SHROOM4: variants seen among roughly 807,000 people sequenced by gnomAD.
SHROOM4 encodes the protein protein Shroom4.
In SHROOM4, 17 loss-of-function variants were observed where a neutral mutation model predicts 80.3. The observed-to-expected ratio is 0.21, with a 90% CI of 0.14 to 0.32. The LOEUF is 0.32. Among genes scored for constraint, SHROOM4 ranks in the 10% least tolerant of loss-of-function variants. The pLI, the probability that SHROOM4 is intolerant of heterozygous loss-of-function variation, is 1.00. For missense variants in SHROOM4, 993 were observed against 1,140.3 expected (o/e 0.87, Z 1.86); for synonymous variants, 400 against 437.5 (o/e 0.91, Z 1.07).
chrX:50,773,686 A>G (rs1935443796), intron 1 of SHROOM4, among the ~76,000 whole-genome samples: 1 of 112,206 alleles, frequency 8.9e-6, no homozygotes, highest in African/African-American at 3.2e-5. Context: ...AATCTCAACA[A>G]TAATCATATC....
intron 1 of SHROOM4, among the ~76,000 whole-genome samples, chrX:50,740,556 C>G (rs1934629393): frequency 9.0e-6 from 1 of 111,428 alleles, no homozygotes; most frequent in Admixed American, 9.5e-5. Context: ...AGAAAACTAA[C>G]AAAGATGTAG....
intron 1 of SHROOM4, among the ~76,000 whole-genome samples, chrX:50,795,046 T>A (rs1935939070): frequency 2.4e-4 from 1 of 4,116 alleles, no homozygotes; most frequent in African/African-American, 2.6e-4. Flanking sequence ...ATCTCATATA[T>A]ATATGATATA....
intron 2 of SHROOM4, among the ~76,000 whole-genome samples, chrX:50,693,151 T>C (rs1440373237): frequency 9.0e-6 from 1 of 111,223 alleles, no homozygotes; most frequent in Non-Finnish European, 1.9e-5. Flanking sequence ...TTAAAAATGG[T>C]GGAACTATGG....
chrX:50,812,388 G>C (rs1406368406), intron 1 of SHROOM4, among the ~76,000 whole-genome samples: 2 of 109,014 alleles, frequency 1.8e-5, no homozygotes, highest in Admixed American at 2.0e-4. Context: ...GCCTCAGGAG[G>C]GGTTGTGACA....
At chrX:50,812,866 G>C (rs1936369563) in intron 1 of SHROOM4, among the ~76,000 whole-genome samples, 1 of 112,137 alleles carries the variant, frequency 8.9e-6, no homozygotes, top group Non-Finnish European at 1.9e-5. Flanking sequence ...AAGCGGGAGG[G>C]CTTTTCGGAT....
chrX:50,678,152 T>G (rs1054835078), intron 2 of SHROOM4, among the ~76,000 whole-genome samples: 12 of 111,435 alleles, frequency 1.1e-4, no homozygotes, highest in Non-Finnish European at 1.7e-4. Context: ...AATGACTCAG[T>G]GGCAAAGTTT....
intron 1 of SHROOM4, among the ~76,000 whole-genome samples, chrX:50,721,936 C>T (rs1296673234): frequency 9.0e-6 from 1 of 110,773 alleles, no homozygotes; most frequent in African/African-American, 3.3e-5. Context: ...TCCCCTGGGC[C>T]TAGCCTAGCC....
chrX:50,609,303 A>G (rs1242618315), intron 5 of SHROOM4, among the ~76,000 whole-genome samples: 1 of 111,407 alleles, frequency 9.0e-6, no homozygotes, highest in African/African-American at 3.3e-5. Context: ...CAGAATTCTC[A>G]ATAGGAATTT....
chrX:50,627,731 G>T, intron 4 of SHROOM4, 56 bp from the exon 5 acceptor site: 1 of 1,032,876 alleles, frequency 9.7e-7, no homozygotes, highest in Non-Finnish European at 1.4e-6. Context: ...GTATCTAGAT[G>T]GCCTCAAAAA....
chrX:50,795,146 G>GATAT (rs781879598), intron 1 of SHROOM4, among the ~76,000 whole-genome samples: 72 of 3,066 alleles, frequency 0.023, 14 homozygotes, highest in South Asian at 0.038. Flanking sequence ...ATATATATAT[G>GATAT]ATATATATAT....
intron 2 of SHROOM4, among the ~76,000 whole-genome samples, chrX:50,669,038 A>G (rs1461566644): frequency 8.9e-6 from 1 of 112,615 alleles, no homozygotes; most frequent in Non-Finnish European, 1.9e-5. Context: ...ACCTTGATGA[A>G]AGAATACTTT....
chrX:50,633,129 C>T, intron 4 of SHROOM4, 49 bp downstream of exon 4: 4 of 1,081,996 alleles, frequency 3.7e-6, no homozygotes, highest in Non-Finnish European at 5.1e-6. Flanking sequence ...TAGCTTTCCC[C>T]TCTCAAAGAC....
At chrX:50,752,107 T>C (rs956936711) in intron 1 of SHROOM4, among the ~76,000 whole-genome samples, 1 of 112,097 alleles carries the variant, frequency 8.9e-6, no homozygotes, top group Non-Finnish European at 1.9e-5. Flanking sequence ...TTTTAGTCCA[T>C]GCTTTTTGTG....
chrX:50,701,117 A>G (rs1451088299), intron 1 of SHROOM4, among the ~76,000 whole-genome samples: 5 of 111,832 alleles, frequency 4.5e-5, no homozygotes, highest in Non-Finnish European at 9.4e-5. Context: ...CTTAATCACC[A>G]TCTAGTTTAC....
downstream of SHROOM4, among the ~76,000 whole-genome samples, chrX:50,584,936 G>T (rs1928731245): frequency 1.8e-5 from 2 of 111,380 alleles, no homozygotes; most frequent in Admixed American, 9.5e-5. Context: ...TTATATGGGA[G>T]ATTAACTAAC....
At chrX:50,650,461 C>A (rs2007967) in intron 2 of SHROOM4, among the ~76,000 whole-genome samples, 1 of 110,167 alleles carries the variant, frequency 9.1e-6, no homozygotes, top group African/African-American at 3.3e-5. Flanking sequence ...AGAGATGGCC[C>A]TGCCTCAGCC....
At chrX:50,750,625 C>T (rs782353116) in intron 1 of SHROOM4, among the ~76,000 whole-genome samples, 1 of 112,144 alleles carries the variant, frequency 8.9e-6, no homozygotes, top group East Asian at 2.8e-4. Context: ...GGGTAGCCTC[C>T]TTCTTAAAAT....
At position 50,605,102 on chromosome X, in the gene SHROOM4, C is replaced by T. The variant is rs782292294; in HGVS notation, c.3761+2279G>A. ...GCTTCCTTCTGGCTAGGACACTGTC[C>T]TCTCCTAGGGTCTGGAATAGAATCT... On this transcript the variant is annotated intron_variant, in intron 6 of 8. Transcript: ENST00000376020. 4.5e-5 allele frequency among the ~76,000 whole-genome samples: 5 copies of T among 111,627 alleles called. No individual in the cohort carries two copies. In the South Asian group the frequency reaches 1.9e-3, roughly 43 times the overall value.
At chrX:50,783,478 C>T (rs1935671298) in intron 1 of SHROOM4, among the ~76,000 whole-genome samples, 1 of 111,916 alleles carries the variant, frequency 8.9e-6, no homozygotes, top group Admixed American at 9.4e-5. Flanking sequence ...ATCAGTACTG[C>T]TCAGGCATTA....
Sources: allele counts gnomAD v4.1 joint callset (sites outside exome capture counted in the v4.1 genomes callset), GRCh38; gene constraint gnomAD v4.1.1; transcripts MANE v1.5; gene names NCBI Gene and HGNC (gene_info 2026-07-23, HGNC 2026-07-21).